RPRD1A: variants seen among roughly 807,000 people sequenced by gnomAD.
RPRD1A encodes regulation of nuclear pre-mRNA domain-containing protein 1A.
A neutral mutation model predicts 37.8 loss-of-function variants in RPRD1A; 9 were observed. The ratio of observed to expected loss-of-function variants is 0.24; its 90% CI spans 0.14 to 0.42. The LOEUF (loss-of-function observed/expected upper bound fraction) is 0.42, where lower values mean the gene tolerates loss of function less well. RPRD1A is among the 10% of genes least tolerant of loss of function. The pLI, the probability that RPRD1A is intolerant of heterozygous loss-of-function variation, is 1.00. For missense variants in RPRD1A, 255 were observed against 371.0 expected, an observed-to-expected ratio of 0.69 and a Z score of 2.57; for synonymous variants, 138 against 139.7, an observed-to-expected ratio of 0.99 and a Z score of 0.08.
intron 1 of RPRD1A, among the ~76,000 whole-genome samples, chr18:36,039,082 A>G (rs1402571760): frequency 1.3e-5 from 2 of 152,096 alleles, no homozygotes; most frequent in African/African-American, 4.8e-5. Flanking sequence ...GGAAAGCATG[A>G]TTGGTTTTGA....
At chr18:36,049,824 G>A (rs1913244796) in intron 1 of RPRD1A, among the ~76,000 whole-genome samples, 1 of 152,096 alleles carries the variant, frequency 6.6e-6, no homozygotes, top group African/African-American at 2.4e-5. Flanking sequence ...TTATTCTTTA[G>A]GAGTTTATAC....
intron 6 of RPRD1A, among the ~76,000 whole-genome samples, chr18:35,998,012 A>G (rs1909187421): frequency 6.6e-6 from 1 of 152,200 alleles, no homozygotes; most frequent in South Asian, 2.1e-4. Context: ...AATAATATCC[A>G]TGCAATCACA....
chr18:36,024,313 A>ATTT (rs781696260), intron 6 of RPRD1A, among the ~76,000 whole-genome samples: 44 of 126,562 alleles, frequency 3.5e-4, no homozygotes, highest in African/African-American at 1.2e-3. Flanking sequence ...CACCTGGTTA[A>ATTT]TTTTTTTTTT....
intron 1 of RPRD1A, chr18:36,063,845 TGAG>T (rs938592332): frequency 3.3e-5 from 5 of 152,206 alleles, no homozygotes; most frequent in African/African-American, 1.2e-4. Flanking sequence ...CAGGCTAATA[TGAG>T]GATTAAAGCG....
chr18:36,050,403 C>T (rs1913297813), intron 1 of RPRD1A, among the ~76,000 whole-genome samples: 1 of 152,034 alleles, frequency 6.6e-6, no homozygotes, highest in Admixed American at 6.5e-5. Flanking sequence ...GTACAGTTTG[C>T]CTTAATTAAT....
At chr18:36,055,373 T>C (rs1246923689) in intron 1 of RPRD1A, among the ~76,000 whole-genome samples, 1 of 152,234 alleles carries the variant, frequency 6.6e-6, no homozygotes, top group Non-Finnish European at 1.5e-5. Context: ...TTTAAGTCTT[T>C]TTTCATAATG....
intron 6 of RPRD1A, among the ~76,000 whole-genome samples, chr18:36,007,878 C>T (rs1193735224): frequency 6.6e-6 from 1 of 152,086 alleles, no homozygotes. Context: ...GTGGAGGTTG[C>T]AGTGAGCCGA....
chr18:36,017,080 T>A (rs969480905), intron 6 of RPRD1A, among the ~76,000 whole-genome samples: 1 of 151,102 alleles, frequency 6.6e-6, no homozygotes, highest in African/African-American at 2.4e-5. Context: ...CGAGGGCAGG[T>A]GGATCACCTA....
intron 6 of RPRD1A, among the ~76,000 whole-genome samples, chr18:36,020,848 TTAAA>T (rs1910948589): frequency 1.3e-5 from 2 of 150,962 alleles, no homozygotes; most frequent in African/African-American, 2.4e-5. Context: ...AACAGAGCAG[TTAAA>T]TAAATTATCA....
intron 1 of RPRD1A, among the ~76,000 whole-genome samples, chr18:36,065,417 TCA>T (rs2089010019): frequency 1.3e-5 from 2 of 152,224 alleles, no homozygotes; most frequent in African/African-American, 2.4e-5. Flanking sequence ...TTTATTAATA[TCA>T]CAATTTATTT....
chr18:36,048,740 C>G (rs1198041726), intron 1 of RPRD1A, among the ~76,000 whole-genome samples: 1 of 151,798 alleles, frequency 6.6e-6, no homozygotes, highest in Non-Finnish European at 1.5e-5. Context: ...TGTTTATTCT[C>G]ATCAGTCTTA....
At position 36,033,299 on chromosome 18, in the gene RPRD1A, C is replaced by CCAAAAAAAAAAAAAAAA. The variant is rs1348356259; in HGVS notation, c.281+408_281+409insTTTTTTTTTTTTTTTTG. On this transcript the variant is annotated intron_variant, in intron 2 of 6. Coordinates refer to ENST00000399022, the MANE Select transcript of RPRD1A (RefSeq NM_018170.5). ...CCTGGGTGAGAGTGAGACTCTGTCT[C>CCAAAAAAAAAAAAAAAA]AAAAAAAAAAAAAAAAAAAAAAAAA... Among the ~76,000 whole-genome samples the CCAAAAAAAAAAAAAAAA allele has an allele frequency of 1.8e-4, 14 of 75,918 alleles. 1 individual carries two copies. Among genetic ancestry groups the CCAAAAAAAAAAAAAAAA allele is most frequent in the African/African-American group, 7.6e-4 (13 of 17,178 alleles). 49.8% of individuals were successfully genotyped at this position (75,918 alleles called of 152,430 possible). A position where few individuals can be genotyped will look rare whatever the true frequency, so the allele number is the denominator to read the frequency against.
intron 2 of RPRD1A, among the ~76,000 whole-genome samples, chr18:36,031,573 C>G (rs1367906158): frequency 5.3e-5 from 8 of 151,998 alleles, no homozygotes; most frequent in Non-Finnish European, 1.0e-4. Flanking sequence ...TAAGAGATAT[C>G]CGGAAGAGTA....
intron 2 of RPRD1A, among the ~76,000 whole-genome samples, chr18:36,032,769 C>A (rs1431516628): frequency 6.6e-6 from 1 of 152,088 alleles, no homozygotes; most frequent in East Asian, 1.9e-4. Context: ...TTGCCATTCA[C>A]AGAGTATAAA....
rs200694089 is a variant in RPRD1A at position 35,996,977 on chromosome 18, C to CAAAAAAAA, written c.790-3685_790-3678dup. Among the ~76,000 whole-genome samples the CAAAAAAAA allele has an allele frequency of 9.5e-4, 53 of 55,618 alleles. 1 individual carries two copies. The highest frequency in any genetic ancestry group is 4.0e-3 in the African/African-American group (53 of 13,316). 36.5% of individuals were successfully genotyped at this position (55,618 alleles called of 152,430 possible). ...TAGGCAATAGAGTGAGACCCTGTCT[C>CAAAAAAAA]AAAAAAAAAAAAAAAAAAAAAAAAA... On this transcript the variant is annotated intron_variant, in intron 6 of 6. Transcript: ENST00000399022.
intron 6 of RPRD1A, among the ~76,000 whole-genome samples, chr18:36,020,896 G>A (rs1910951875): frequency 2.0e-5 from 3 of 151,936 alleles, no homozygotes; most frequent in South Asian, 4.1e-4. Context: ...ACAATGACAT[G>A]TAAGATGCAT....
At chr18:36,021,701 T>C (rs992282706) in intron 6 of RPRD1A, among the ~76,000 whole-genome samples, 5 of 152,224 alleles carry the variant, frequency 3.3e-5, no homozygotes, top group African/African-American at 1.2e-4. Flanking sequence ...CGAAGGAAAC[T>C]AAAATCGCCA....
At chr18:36,046,277 AG>A (rs1224056730) in intron 1 of RPRD1A, among the ~76,000 whole-genome samples, 1 of 152,132 alleles carries the variant, frequency 6.6e-6, no homozygotes, top group African/African-American at 2.4e-5. Flanking sequence ...GAGAAAGCAA[AG>A]TAGGGAACCT....
At chr18:36,066,610 C>T (rs926274504) in intron 1 of RPRD1A, among the ~76,000 whole-genome samples, 14 of 152,144 alleles carry the variant, frequency 9.2e-5, no homozygotes, top group African/African-American at 2.7e-4. Flanking sequence ...AAATGTTTTG[C>T]AAAACAAAGA....
Sources: allele counts gnomAD v4.1 joint callset (sites outside exome capture counted in the v4.1 genomes callset), GRCh38; gene constraint gnomAD v4.1.1; transcripts MANE v1.5; gene names NCBI Gene and HGNC (gene_info 2026-07-23, HGNC 2026-07-21).